PLCXD3: variants seen among roughly 807,000 people sequenced by gnomAD.
PLCXD3 encodes the protein phosphatidylinositol specific phospholipase C X domain containing 3.
Under a neutral mutation model 25.5 loss-of-function variants are expected in PLCXD3, and 19 were observed. That is an observed-to-expected ratio of 0.75 (90% CI 0.52 to 1.09). The LOEUF (loss-of-function observed/expected upper bound fraction) is 1.09. PLCXD3 is among the 50% of genes least tolerant of loss of function. The probability of loss-of-function intolerance (pLI) is 0.00; values close to 1 mark genes in which losing one functional copy is unlikely to be tolerated. For missense variants in PLCXD3, 411 were observed against 388.1 expected, an observed-to-expected ratio of 1.06 and a Z score of -0.50; for synonymous variants, 174 against 137.6, an observed-to-expected ratio of 1.26 and a Z score of -1.85.
intron 1 of PLCXD3, among the ~76,000 whole-genome samples, chr5:41,509,644 G>C (rs1189732185): frequency 1.3e-5 from 2 of 152,144 alleles, no homozygotes; most frequent in African/African-American, 4.8e-5. Flanking sequence ...CCACCCCTCC[G>C]CTCAGGTCAC....
chr5:41,416,219 C>A (rs2150504783), intron 1 of PLCXD3, among the ~76,000 whole-genome samples: 1 of 152,222 alleles, frequency 6.6e-6, no homozygotes, highest in East Asian at 1.9e-4. Flanking sequence ...CCTTCTGGAG[C>A]CAAGGGCAAG....
chr5:41,457,984 A>T (rs1747792356), intron 1 of PLCXD3, among the ~76,000 whole-genome samples: 1 of 151,890 alleles, frequency 6.6e-6, no homozygotes, highest in Admixed American at 6.6e-5. Context: ...GACAAAGAAA[A>T]AAATAGAAGC....
intron 1 of PLCXD3, among the ~76,000 whole-genome samples, chr5:41,496,249 T>C (rs763634138): frequency 6.6e-6 from 1 of 151,858 alleles, no homozygotes; most frequent in Non-Finnish European, 1.5e-5. Flanking sequence ...AATATACACA[T>C]TATGAAATTT....
chr5:41,494,977 A>G (rs1748803202), intron 1 of PLCXD3, among the ~76,000 whole-genome samples: 2 of 152,230 alleles, frequency 1.3e-5, no homozygotes, highest in Admixed American at 1.3e-4. Context: ...AGATGGCAGA[A>G]TAGGATGCTC....
In PLCXD3 at chr5:41,416,690, T is replaced by A. The variant is rs1414809375; in HGVS notation, c.104-34156A>T. Among the ~76,000 whole-genome samples the A allele has an allele frequency of 2.0e-5, 3 of 152,274 alleles. No individual in the cohort carries two copies. The South Asian group carries it at 6.2e-4, about 32-fold the overall frequency. On this transcript the variant is annotated intron_variant, in intron 1 of 2. Coordinates refer to ENST00000377801, the MANE Select transcript of PLCXD3 (RefSeq NM_001005473.3). ...AGAGCTGGGCTGGTTAAAAGAGACA[T>A]GTTAGTTTTCAGAATTTGAGAGTTA...
intron 1 of PLCXD3, among the ~76,000 whole-genome samples, chr5:41,452,194 A>G (rs976997423): frequency 8.5e-5 from 13 of 152,048 alleles, no homozygotes; most frequent in African/African-American, 3.1e-4. Context: ...AATTGCTTGT[A>G]TAAGTTTGGA....
At chr5:41,493,651 C>T (rs954609401) in intron 1 of PLCXD3, among the ~76,000 whole-genome samples, 2 of 152,238 alleles carry the variant, frequency 1.3e-5, no homozygotes, top group African/African-American at 2.4e-5. Flanking sequence ...GGCACCCCTC[C>T]CCCAGCCTAG....
At chr5:41,396,260 A>T (rs1746001148) in intron 1 of PLCXD3, among the ~76,000 whole-genome samples, 1 of 152,038 alleles carries the variant, frequency 6.6e-6, no homozygotes, top group African/African-American at 2.4e-5. Flanking sequence ...TGCTGTTCTC[A>T]TGGTAGTGTG....
intron 1 of PLCXD3, among the ~76,000 whole-genome samples, chr5:41,451,794 G>C (rs1747638524): frequency 6.6e-6 from 1 of 151,744 alleles, no homozygotes; most frequent in African/African-American, 2.4e-5. Context: ...TCACTTTTTT[G>C]CTAGCCTTCA....
intron 1 of PLCXD3, among the ~76,000 whole-genome samples, chr5:41,393,923 CCATCAAAAAAAGAAAAAAAACAAAAA>C (rs1364322120): frequency 1.3e-5 from 2 of 151,626 alleles, no homozygotes; most frequent in African/African-American, 4.8e-5. Flanking sequence ...GAGTGAGAAT[CCATCAAAAAAAGAAAAAAAACAAAAA>C]CACCTCACTC....
intron 1 of PLCXD3, among the ~76,000 whole-genome samples, chr5:41,448,851 A>T (rs932030988): frequency 6.6e-6 from 1 of 152,192 alleles, no homozygotes; most frequent in African/African-American, 2.4e-5. Flanking sequence ...TCTTAGTATG[A>T]CATTTATAAT....
chr5:41,462,581 G>A (rs1008565662), intron 1 of PLCXD3, among the ~76,000 whole-genome samples: 1 of 152,070 alleles, frequency 6.6e-6, no homozygotes, highest in Admixed American at 6.6e-5. Context: ...AGTGGCTCAA[G>A]AGCTAGGAGA....
intron 2 of PLCXD3, among the ~76,000 whole-genome samples, chr5:41,338,941 G>A (rs111342189): frequency 0.017 from 2,628 of 152,048 alleles, 91 homozygotes; most frequent in African/African-American, 0.061. Flanking sequence ...GAGTATTTCC[G>A]CCCTCATTCT....
At position 41,403,408 on chromosome 5, in the gene PLCXD3, T is replaced by TTTTTTTGTTTGTTTTTA. The variant is rs1554047965; in HGVS notation, c.104-20875_104-20874insTAAAAACAAACAAAAAA. 6.1e-4 allele frequency among the ~76,000 whole-genome samples: 16 copies of TTTTTTTGTTTGTTTTTA among 26,248 alleles called. 2 individuals are homozygous for TTTTTTTGTTTGTTTTTA. The highest frequency in any genetic ancestry group is 6.6e-4 in the Non-Finnish European group (7 of 10,618). The allele number at this position is 26,248 out of a possible 152,430, so 17.2% of individuals were successfully genotyped here. On this transcript the variant is annotated intron_variant, in intron 1 of 2. Transcript: ENST00000377801. ...CAGATTGACTTATTTGTTGTTTTTT[T>TTTTTTTGTTTGTTTTTA]TTTTTTTTATTATACTCTAAGTTTT...
chr5:41,387,280 A>T (rs969041662), intron 1 of PLCXD3, among the ~76,000 whole-genome samples: 1 of 152,084 alleles, frequency 6.6e-6, no homozygotes, highest in African/African-American at 2.4e-5. Flanking sequence ...AAGAGATCGC[A>T]GTCTTGGTCA....
At position 41,308,227 on chromosome 5, in the gene PLCXD3, G is replaced by A. The variant is rs929596355; in HGVS notation, c.*5390C>T. On this transcript the variant is annotated 3_prime_UTR_variant, in exon 3 of 3. Coordinates refer to ENST00000377801, the MANE Select transcript of PLCXD3 (RefSeq NM_001005473.3). Reference sequence around the variant, plus strand: ...AAAGGCAGTGTGGATAGAATTGTGAGATTTAGGAAAAAATATATAGGACAT... The same window carrying A: ...AAAGGCAGTGTGGATAGAATTGTGAAATTTAGGAAAAAATATATAGGACAT... 6.6e-6 allele frequency: 1 copy of A among 152,046 alleles called. No individual in the cohort carries two copies. Among genetic ancestry groups the A allele is most frequent in the African/African-American group, 2.4e-5 (1 of 41,412 alleles). 9.4% of individuals were successfully genotyped at this position (152,046 alleles called of 1,614,324 possible).
intron 1 of PLCXD3, among the ~76,000 whole-genome samples, chr5:41,413,036 G>A (rs958839164): frequency 2.0e-5 from 3 of 152,136 alleles, no homozygotes; most frequent in Non-Finnish European, 4.4e-5. Context: ...ATCCTAAGTT[G>A]AGATCAAAAC....
intron 2 of PLCXD3, among the ~76,000 whole-genome samples, chr5:41,338,495 C>T (rs779905675): frequency 4.6e-5 from 7 of 152,042 alleles, no homozygotes; most frequent in African/African-American, 1.7e-4. Context: ...ATCTAGTGGA[C>T]TTGGTGTTCT....
chr5:41,397,524 T>C (rs1479944644), intron 1 of PLCXD3, among the ~76,000 whole-genome samples: 1 of 152,096 alleles, frequency 6.6e-6, no homozygotes, highest in Non-Finnish European at 1.5e-5. Context: ...TAGTACAGGA[T>C]AATCTGTATG....
Sources: allele counts gnomAD v4.1 joint callset (sites outside exome capture counted in the v4.1 genomes callset), GRCh38; gene constraint gnomAD v4.1.1; transcripts MANE v1.5; gene names NCBI Gene and HGNC (gene_info 2026-07-23, HGNC 2026-07-21).